KHDRBS1: variants seen among roughly 807,000 people sequenced by gnomAD.
The protein encoded by KHDRBS1 is KH RNA binding domain containing, signal transduction associated 1.
Under a neutral mutation model 48.4 loss-of-function variants are expected in KHDRBS1, and 7 were observed. That is an observed-to-expected ratio of 0.14 (90% CI 0.08 to 0.27). The LOEUF (loss-of-function observed/expected upper bound fraction) is 0.27. KHDRBS1 is among the 10% of genes least tolerant of loss of function. The pLI is 1.00. For synonymous variants in KHDRBS1, 241 were observed against 235.8 expected (o/e 1.02, Z -0.20); for missense variants, 458 against 601.2 (o/e 0.76, Z 2.49).
At chr1:32,033,843 G>A (rs963108711) in intron 4 of KHDRBS1, among the ~76,000 whole-genome samples, 11 of 152,162 alleles carry the variant, frequency 7.2e-5, no homozygotes, top group Non-Finnish European at 1.6e-4. Flanking sequence ...TGCTGAGGAC[G>A]AGTTTAGTTT....
At chr1:32,036,371 G>A (rs940986276) in intron 4 of KHDRBS1, among the ~76,000 whole-genome samples, 1 of 151,778 alleles carries the variant, frequency 6.6e-6, no homozygotes, top group African/African-American at 2.4e-5. Context: ...GCGTTTCACC[G>A]TGTTAGCCAG....
chr1:32,057,661 T>C (rs954686209), intron 10 of KHDRBS1, among the ~76,000 whole-genome samples: 7 of 149,678 alleles, frequency 4.7e-5, no homozygotes, highest in Non-Finnish European at 5.9e-5. Flanking sequence ...TAGCTGGGCA[T>C]GGTGGCGGGT....
chr1:32,038,209 G>A, intron 6 of KHDRBS1, 173 bp downstream of exon 6: 1 of 1,062,778 alleles, frequency 9.4e-7, no homozygotes, highest in Non-Finnish European at 1.3e-6. Context: ...TCCATTTTAG[G>A]CAGGGTTTTA....
At position 32,040,726 on chromosome 1, in the gene KHDRBS1, C is replaced by G. The variant is rs542279968; in HGVS notation, c.1234+1153C>G. 1.4e-4 allele frequency among the ~76,000 whole-genome samples: 22 copies of G among 152,298 alleles called. 1 individual carries two copies. The highest frequency in any genetic ancestry group is 5.1e-4 in the African/African-American group (21 of 41,538). ...TCAGTATAAGGTATTTTCAGCATAC[C>G]TGAGGGACTTCCAGAGAGTCCTTGG... On this transcript the variant is annotated intron_variant, in intron 8 of 8. Coordinates refer to ENST00000327300, the MANE Select transcript of KHDRBS1 (RefSeq NM_006559.3).
chr1:32,034,780 A>G (rs1639144629), intron 4 of KHDRBS1, among the ~76,000 whole-genome samples: 1 of 151,672 alleles, frequency 6.6e-6, no homozygotes, highest in Non-Finnish European at 1.5e-5. Flanking sequence ...GATCAAGGCC[A>G]TCCTGGCTAA....
chr1:32,038,405 C>G (rs1639224258), intron 6 of KHDRBS1, 147 bp from the exon 7 acceptor site: 3 of 760,452 alleles, frequency 3.9e-6, no homozygotes, highest in Non-Finnish European at 2.1e-6. Context: ...TCTCTTTTGA[C>G]TATTCTACAG....
At chr1:32,028,201 C>T (rs544799131) in intron 1 of KHDRBS1, among the ~76,000 whole-genome samples, 3 of 152,010 alleles carry the variant, frequency 2.0e-5, no homozygotes, top group Non-Finnish European at 2.9e-5. Flanking sequence ...ATACTTCAAG[C>T]CAATGGTTTT....
At chr1:32,047,570 C>T (rs1186353181), downstream of KHDRBS1, among the ~76,000 whole-genome samples, 4 of 152,180 alleles carry the variant, frequency 2.6e-5, no homozygotes, top group Admixed American at 6.5e-5. Context: ...AAACAAAACC[C>T]TTTCAGTGCC....
intron 2 of KHDRBS1, among the ~76,000 whole-genome samples, chr1:32,031,107 G>T (rs1569790631): frequency 6.6e-6 from 1 of 152,072 alleles, no homozygotes; most frequent in Non-Finnish European, 1.5e-5. Context: ...AAATTAGCCT[G>T]GTGTTGTGGT....
intron 10 of KHDRBS1, among the ~76,000 whole-genome samples, chr1:32,050,845 T>A (rs1313001606): frequency 1.3e-5 from 2 of 151,900 alleles, no homozygotes; most frequent in Non-Finnish European, 2.9e-5. Context: ...AGGTCTATGA[T>A]TCATTTTATG....
chr1:32,041,851 G>A (rs553678434), intron 8 of KHDRBS1, among the ~76,000 whole-genome samples: 1 of 152,200 alleles, frequency 6.6e-6, no homozygotes, highest in Non-Finnish European at 1.5e-5. Flanking sequence ...GCCTCCCAAA[G>A]TGCTGGGATT....
At chr1:32,039,264 G>C (rs1051355715) in intron 7 of KHDRBS1, among the ~76,000 whole-genome samples, 5 of 152,054 alleles carry the variant, frequency 3.3e-5, no homozygotes, top group African/African-American at 1.2e-4. Flanking sequence ...TATTAAAAGG[G>C]TCAATTTAGG....
At position 32,037,889 on chromosome 1, in the gene KHDRBS1, G is replaced by C; in HGVS notation, c.960G>C (p.Arg320Ser). Residue 320 changes from arginine to serine, a missense_variant, in exon 6 of 9, where the codon AGG (arginine) becomes AGC (serine). This residue lies in a region of KHDRBS1 where 171 missense variants were observed against 228.7 expected (regional missense o/e 0.75). Coordinates refer to ENST00000327300, the MANE Select transcript of KHDRBS1 (RefSeq NM_006559.3). ...CTTTGGTACGTGGTACACCAGTAAG[G>C]GGAGCCATCACCAGAGGTGCCACTG... ...RGALVRGTPV[R>S]GAITRGATVT... The C allele has an allele frequency of 6.2e-7, 1 of 1,614,214 alleles. No individual in the cohort carries two copies. The highest frequency in any genetic ancestry group is 8.5e-7 in the Non-Finnish European group (1 of 1,180,034).
At chr1:32,034,210 G>C (rs750944416) in intron 4 of KHDRBS1, among the ~76,000 whole-genome samples, 11 of 152,214 alleles carry the variant, frequency 7.2e-5, no homozygotes, top group Non-Finnish European at 1.2e-4. Context: ...AATGTTAAAT[G>C]AGGGAATTAG....
rs1303285788 is a variant in KHDRBS1, at chr1:32,038,630, C to T, written c.1175+11C>T. On this transcript the variant is annotated intron_variant, in intron 7 of 8. Coordinates refer to ENST00000327300, the MANE Select transcript of KHDRBS1 (RefSeq NM_006559.3). The stretch of plus-strand genomic sequence containing the variant: ...CAGCCAGAGTCAAGGGTGAGTCAGG[C>T]AGTATAAGCACTGTTTTTTGTCCTG... The T allele has an allele frequency of 8.1e-6, 13 of 1,613,310 alleles. No homozygotes were observed. The highest frequency in any genetic ancestry group is 1.0e-5 in the Non-Finnish European group (12 of 1,179,528).
At chr1:32,054,916 C>T (rs1639462350) in intron 10 of KHDRBS1, among the ~76,000 whole-genome samples, 1 of 152,108 alleles carries the variant, frequency 6.6e-6, no homozygotes, top group Admixed American at 6.5e-5. Context: ...CACAAACAAC[C>T]CTGTGAAGCA....
intron 1 of KHDRBS1, among the ~76,000 whole-genome samples, chr1:32,015,999 T>C (rs1296286909): frequency 6.6e-6 from 1 of 152,030 alleles, no homozygotes; most frequent in South Asian, 2.1e-4. Context: ...ATCAACATGG[T>C]GAAACCCCGT....
At chr1:32,046,441 C>G (rs1463468877), downstream of KHDRBS1, among the ~76,000 whole-genome samples, 1 of 152,208 alleles carries the variant, frequency 6.6e-6, no homozygotes, top group African/African-American at 2.4e-5. Context: ...TCTCGAACTC[C>G]TGACCTCAGG....
chr1:32,043,614 T>C lies in KHDRBS1; in HGVS notation c.*990T>C, dbSNP rs1376619480. 1 of 152,640 alleles carries C rather than the reference T, an allele frequency of 6.6e-6. No homozygotes were observed. Among genetic ancestry groups the C allele is most frequent in the African/African-American group, 2.4e-5 (1 of 41,450 alleles). 9.5% of individuals were successfully genotyped at this position (152,640 alleles called of 1,614,324 possible). A position where few individuals can be genotyped will look rare whatever the true frequency, so the allele number is the denominator to read the frequency against. On this transcript the variant is annotated 3_prime_UTR_variant, in exon 9 of 9. Coordinates refer to ENST00000327300, the MANE Select transcript of KHDRBS1 (RefSeq NM_006559.3). Reference sequence around the variant, plus strand: ...GTTGATTTTCTTAAGTTGACGGTTGTCAATATATCGAACTGTTCCCAAGTT... The same window carrying C: ...GTTGATTTTCTTAAGTTGACGGTTGCCAATATATCGAACTGTTCCCAAGTT...
Sources: allele counts gnomAD v4.1 joint callset (sites outside exome capture counted in the v4.1 genomes callset), GRCh38; gene constraint gnomAD v4.1.1; regional missense constraint gnomAD v4.1.1; transcripts MANE v1.5; gene names NCBI Gene and HGNC (gene_info 2026-07-23, HGNC 2026-07-21).